Variants in KIAA1614 observed in about 807,000 individuals in gnomAD.
KIAA1614 encodes the protein KIAA1614, also known as uncharacterized protein KIAA1614.
KIAA1614 carries 76 observed loss-of-function variants against 88.7 expected under a neutral mutation model. That is an observed-to-expected ratio of 0.86 (90% CI 0.71 to 1.04). KIAA1614 has a LOEUF of 1.04. Among genes scored for constraint, KIAA1614 ranks in the 50% least tolerant of loss-of-function variants. The pLI, the probability that KIAA1614 is intolerant of heterozygous loss-of-function variation, is 0.00. For missense variants in KIAA1614, 1,553 were observed against 1,582.5 expected (o/e 0.98, Z 0.32); for synonymous variants, 714 against 675.5 (o/e 1.06, Z -0.88).
rs923558576 is a variant in KIAA1614, at chr1:180,919,882, G to T, written c.1061+1968G>T. Among the ~76,000 whole-genome samples, 6 of 152,192 alleles carry T rather than the reference G, an allele frequency of 3.9e-5. No homozygotes were observed. In the East Asian group the frequency reaches 1.2e-3, roughly 29 times the overall value. On this transcript the variant is annotated intron_variant, in intron 3 of 8. Coordinates refer to ENST00000367588, the MANE Select transcript of KIAA1614 (RefSeq NM_020950.2). ...GGCTGCATTTCAGAGTTCAGGCAGGGTGTGCGTACCTGTGTACTGTATGGT... is the reference window on the plus strand; with the variant it reads ...GGCTGCATTTCAGAGTTCAGGCAGGTTGTGCGTACCTGTGTACTGTATGGT...
Position 180,928,707 on chromosome 1 carries a change from A to G in KIAA1614, c.1205+134A>G. ...GTGTGTGTCTGTGTGTTTTCCATATAAGGCTCTTGCTTTGATTATTTAGTC... is the reference window on the plus strand; with the variant it reads ...GTGTGTGTCTGTGTGTTTTCCATATGAGGCTCTTGCTTTGATTATTTAGTC... On this transcript the variant is annotated intron_variant, in intron 4 of 8. Coordinates refer to ENST00000367588, the MANE Select transcript of KIAA1614 (RefSeq NM_020950.2). 3 of 1,019,670 alleles carry G rather than the reference A, an allele frequency of 2.9e-6. 1 individual carries two copies. The highest frequency in any genetic ancestry group is 4.1e-6 in the Non-Finnish European group (3 of 727,964). The allele number at this position is 1,019,670 out of a possible 1,614,324, so 63.2% of individuals were successfully genotyped here.
chr1:180,940,534 T>C (rs765996194), intron 6 of KIAA1614, among the ~76,000 whole-genome samples: 1 of 152,052 alleles, frequency 6.6e-6, no homozygotes, highest in Non-Finnish European at 1.5e-5. Context: ...GAATGAATGA[T>C]TGGGTGGGCT....
intron 4 of KIAA1614, among the ~76,000 whole-genome samples, chr1:180,930,486 T>C (rs1255090937): frequency 6.6e-6 from 1 of 152,144 alleles, no homozygotes; most frequent in Non-Finnish European, 1.5e-5. Flanking sequence ...TATATAAATA[T>C]ATGGTGAGAA....
At position 180,916,553 on chromosome 1, in the gene KIAA1614, G is replaced by T. The variant is rs757498160; in HGVS notation, c.450G>T (p.Gly150=). Residue 150 remains glycine (G), a synonymous_variant, in exon 2 of 9, where the codon GGG becomes GGT. Transcript: ENST00000367588. ...VAPRTQNLPD[G]QLDGSINEEQ... is the part of the protein sequence containing the mutation. ...CTCGTACCCAAAACCTGCCTGATGG[G>T]CAGCTGGACGGCAGCATCAATGAGG... 1 of 1,612,450 alleles carries T rather than the reference G, an allele frequency of 6.2e-7. No homozygotes were observed. The highest frequency in any genetic ancestry group is 1.7e-5 in the Admixed American group (1 of 59,998).
intron 6 of KIAA1614, among the ~76,000 whole-genome samples, 168 bp downstream of exon 6, chr1:180,938,879 T>C (rs796819692): frequency 2.0e-5 from 3 of 152,288 alleles, no homozygotes; most frequent in African/African-American, 7.2e-5. Context: ...CCTCTCCCAG[T>C]GTCGTTTAGT....
At chr1:180,928,936 G>T (rs992087662) in intron 4 of KIAA1614, among the ~76,000 whole-genome samples, 1 of 152,254 alleles carries the variant, frequency 6.6e-6, no homozygotes, top group South Asian at 2.1e-4. Context: ...GAAAGGACAG[G>T]TGAGGCTCTT....
At chr1:180,914,918 C>T (rs917171224) in intron 1 of KIAA1614, among the ~76,000 whole-genome samples, 3 of 152,072 alleles carry the variant, frequency 2.0e-5, no homozygotes, top group Non-Finnish European at 4.4e-5. Context: ...CCACCCGCCT[C>T]GGCCTCCCAA....
chr1:180,940,844 T>C (rs1363973281), intron 6 of KIAA1614, among the ~76,000 whole-genome samples: 3 of 152,072 alleles, frequency 2.0e-5, no homozygotes, highest in Non-Finnish European at 4.4e-5. Flanking sequence ...CCCGAGTAGC[T>C]GGGACCACAG....
At chr1:180,929,635 CTGCCTGTTCCGCCGATGG>C (rs1236354670) in intron 4 of KIAA1614, among the ~76,000 whole-genome samples, 2 of 152,246 alleles carry the variant, frequency 1.3e-5, no homozygotes, top group Non-Finnish European at 2.9e-5. Context: ...CCCCATCTTC[CTGCCTGTTCCGCCGATGG>C]TGCACTTTGA....
intron 7 of KIAA1614, among the ~76,000 whole-genome samples, chr1:180,943,112 G>A (rs938672654): frequency 4.6e-5 from 7 of 150,538 alleles, no homozygotes; most frequent in African/African-American, 9.8e-5. Context: ...CTGCAACCTC[G>A]ACCTCCCAGG....
chr1:180,934,939 C>T (rs1654280628), intron 4 of KIAA1614, among the ~76,000 whole-genome samples, 176 bp from the exon 5 acceptor site: 1 of 152,208 alleles, frequency 6.6e-6, no homozygotes, highest in Non-Finnish European at 1.5e-5. Context: ...GGCTGGCAAG[C>T]TACTCTGGTT....
chr1:180,937,016 T>C (rs1654350374), intron 5 of KIAA1614, among the ~76,000 whole-genome samples: 2 of 152,202 alleles, frequency 1.3e-5, no homozygotes, highest in South Asian at 4.1e-4. Flanking sequence ...GCTGGAGGCC[T>C]GGACTTTAAG....
intron 3 of KIAA1614, among the ~76,000 whole-genome samples, chr1:180,922,191 G>C (rs573814569): frequency 3.9e-5 from 6 of 152,376 alleles, no homozygotes; most frequent in African/African-American, 1.4e-4. Flanking sequence ...GGCCCCAGGT[G>C]CTGAGTGTGT....
intron 3 of KIAA1614, among the ~76,000 whole-genome samples, chr1:180,922,692 A>C (rs1230400374): frequency 1.3e-5 from 2 of 152,210 alleles, no homozygotes; most frequent in Admixed American, 6.5e-5. Context: ...ACTTTCACAC[A>C]CTCAACACAG....
rs1231613148 is a variant in KIAA1614 at position 180,917,203 on chromosome 1, G to A, written c.997+103G>A. 1.1e-5 allele frequency: 9 copies of A among 853,742 alleles called. No homozygotes were observed. The Admixed American group carries it at 1.5e-4, about 15-fold the overall frequency. 52.9% of individuals were successfully genotyped at this position (853,742 alleles called of 1,614,324 possible). A position where few individuals can be genotyped will look rare whatever the true frequency, so the allele number is the denominator to read the frequency against. ...CCCACAGAGGGAGTGGGGCAGGAAAGGAGGGAGAGCCTGACAGTTGCCTGT... is the reference window on the plus strand; with the variant it reads ...CCCACAGAGGGAGTGGGGCAGGAAAAGAGGGAGAGCCTGACAGTTGCCTGT... On this transcript the variant is annotated intron_variant, in intron 2 of 8. Transcript: ENST00000367588.
intron 3 of KIAA1614, among the ~76,000 whole-genome samples, chr1:180,921,804 G>T (rs1318548982): frequency 2.0e-5 from 3 of 152,192 alleles, no homozygotes; most frequent in African/African-American, 7.2e-5. Context: ...GGGCAAAAGG[G>T]ATCTGTGCCT....
At position 180,947,629 on chromosome 1, in the gene KIAA1614, G is replaced by A. The variant is rs1442010403; in HGVS notation, c.*2041G>A. The A allele has an allele frequency of 2.0e-5, 3 of 152,382 alleles. No homozygotes were observed. Among genetic ancestry groups the A allele is most frequent in the Non-Finnish European group, 2.9e-5 (2 of 68,070 alleles). The allele number at this position is 152,382 out of a possible 1,614,324, so 9.4% of individuals were successfully genotyped here. A position where few individuals can be genotyped will look rare whatever the true frequency, so the allele number is the denominator to read the frequency against. On this transcript the variant is annotated 3_prime_UTR_variant, in exon 9 of 9. Coordinates refer to ENST00000367588, the MANE Select transcript of KIAA1614 (RefSeq NM_020950.2). ...CGTAGCCTCCTCTCCCGTTAGGGGA[G>A]CAGGACAGGCCCCCCGGACAGGTGG...
chr1:180,927,732 G>A (rs949722959), intron 3 of KIAA1614, among the ~76,000 whole-genome samples: 1 of 152,166 alleles, frequency 6.6e-6, no homozygotes, highest in African/African-American at 2.4e-5. Flanking sequence ...GGGGGTGGGG[G>A]CTGGTGGAGG....
Position 180,950,601 on chromosome 1 carries a change from G to C in KIAA1614, c.*5013G>C. On this transcript the variant is annotated 3_prime_UTR_variant, in exon 9 of 9. Transcript: ENST00000367588. ...CTGAAGCACTCAGGGTGGTTGGCAG[G>C]AACGTGCTGCACAGAGCTGCTCTGT... is the stretch of plus-strand genomic sequence containing the variant. 1.1e-6 allele frequency: 1 copy of C among 916,296 alleles called. No individual in the cohort carries two copies. 56.8% of individuals were successfully genotyped at this position (916,296 alleles called of 1,614,324 possible). A position where few individuals can be genotyped will look rare whatever the true frequency, so the allele number is the denominator to read the frequency against.
Sources: gnomAD v4.1 joint callset for allele counts (sites outside exome capture counted in the v4.1 genomes callset) on GRCh38, gnomAD v4.1.1 for gene constraint, MANE v1.5 for transcripts, NCBI Gene and HGNC (gene_info 2026-07-23, HGNC 2026-07-21) for gene names.